LOXHD1: variants seen among roughly 807,000 people sequenced by gnomAD.
LOXHD1 encodes the protein lipoxygenase homology domain-containing protein 1.
A neutral mutation model predicts 248.2 loss-of-function variants in LOXHD1; 205 were observed. The observed-to-expected ratio is 0.83, with a 90% CI of 0.74 to 0.93. LOXHD1 has a LOEUF of 0.93. Ranked by LOEUF, LOXHD1 falls within the 40% of genes least tolerant of loss-of-function variation. The pLI, the probability that LOXHD1 is intolerant of heterozygous loss-of-function variation, is 0.00. For synonymous variants in LOXHD1, 1,113 were observed against 1,162.8 expected, an observed-to-expected ratio of 0.96 and a Z score of 0.87; for missense variants, 2,930 against 2,971.6, an observed-to-expected ratio of 0.99 and a Z score of 0.33.
chr18:46,493,473 T>G (rs958630869), intron 37 of LOXHD1, among the ~76,000 whole-genome samples: 2 of 152,246 alleles, frequency 1.3e-5, no homozygotes, highest in Non-Finnish European at 2.9e-5. Context: ...TCCACCTCTA[T>G]ATTTCAATGC....
intron 5 of LOXHD1, 87 bp downstream of exon 5, chr18:46,618,105 C>G: frequency 1.0e-6 from 1 of 970,510 alleles, no homozygotes; most frequent in Non-Finnish European, 1.6e-6. Context: ...GGGGCTCAAG[C>G]TGCCTTCCTC....
In LOXHD1 at chr18:46,550,489, C is replaced by T. The variant is rs937490289; in HGVS notation, c.3351-3431G>A. On this transcript the variant is annotated intron_variant, in intron 21 of 40. Coordinates refer to ENST00000642948, the MANE Select transcript of LOXHD1 (RefSeq NM_001384474.1). ...TCGGGAGGCTGAGGCAGGAGAATGG[C>T]GTGAACCCAGGAAGCGGAGCTTGCA... 6.1e-5 allele frequency among the ~76,000 whole-genome samples: 9 copies of T among 148,408 alleles called. No individual in the cohort carries two copies. In the South Asian group the frequency reaches 1.5e-3, roughly 25 times the overall value.
intron 21 of LOXHD1, among the ~76,000 whole-genome samples, chr18:46,554,546 G>A (rs1326758066): frequency 6.6e-6 from 1 of 152,136 alleles, no homozygotes; most frequent in Non-Finnish European, 1.5e-5. Context: ...CTCTTGGCTT[G>A]AAGATTGTTA....
In LOXHD1 at chr18:46,541,759, C is replaced by T. The variant is rs1323800663; in HGVS notation, c.3913+17G>A. ...GGGCCCCAGAGAAGGGCTGGCCTTGCCGTGTGTGGTTCCTACATGGTGTGT... is the reference window on the plus strand; with the variant it reads ...GGGCCCCAGAGAAGGGCTGGCCTTGTCGTGTGTGGTTCCTACATGGTGTGT... On this transcript the variant is annotated intron_variant, in intron 25 of 40. Transcript: ENST00000642948. The T allele has an allele frequency of 5.2e-6, 8 of 1,551,494 alleles. No individual in the cohort carries two copies. Among genetic ancestry groups the T allele is most frequent in the South Asian group, 1.2e-5 (1 of 84,046 alleles).
At chr18:46,593,215 T>G (rs2038204596) in intron 10 of LOXHD1, among the ~76,000 whole-genome samples, 1 of 152,186 alleles carries the variant, frequency 6.6e-6, no homozygotes, top group Admixed American at 6.5e-5. Context: ...AGTTCTAAAA[T>G]TCATACTTTT....
At chr18:46,587,495 G>C (rs2038083814) in intron 12 of LOXHD1, among the ~76,000 whole-genome samples, 1 of 152,102 alleles carries the variant, frequency 6.6e-6, no homozygotes, top group Admixed American at 6.5e-5. Context: ...AGTTCTCAAG[G>C]GTCTTGATTC....
intron 28 of LOXHD1, among the ~76,000 whole-genome samples, chr18:46,530,406 G>A (rs1221392497): frequency 6.6e-6 from 1 of 152,194 alleles, no homozygotes; most frequent in Non-Finnish European, 1.5e-5. Flanking sequence ...AGGGCCTTTT[G>A]ACAAAGCCAG....
At position 46,569,632 on chromosome 18, in the gene LOXHD1, C is replaced by CGAAAGTCTGAACAGCCCAAGGCAGA. The variant is rs757379731; in HGVS notation, c.2048-19_2053dup (p.Arg685LeufsTer27). On this transcript the variant is annotated frameshift_variant, in exon 16 of 41. Coordinates refer to ENST00000642948, the MANE Select transcript of LOXHD1 (RefSeq NM_001384474.1). LOFTEE classifies it high-confidence loss of function. ...CCCAGTCTTCAAGCTGATGTGATAG[C>CGAAAGTCTGAACAGCCCAAGGCAGA]GAAAGTCTGAACAGCCCAAGGCAGA... The CGAAAGTCTGAACAGCCCAAGGCAGA allele has an allele frequency of 6.5e-7, 1 of 1,550,240 alleles. No homozygotes were observed. The highest frequency in any genetic ancestry group is 1.2e-5 in the South Asian group (1 of 83,950).
intron 28 of LOXHD1, among the ~76,000 whole-genome samples, chr18:46,530,992 G>T (rs947712697): frequency 6.6e-6 from 1 of 152,044 alleles, no homozygotes; most frequent in East Asian, 1.9e-4. Context: ...CCTAGAGGGC[G>T]TCTCCACGTT....
chr18:46,630,404 G>A (rs2038804853), intron 4 of LOXHD1, among the ~76,000 whole-genome samples: 1 of 152,360 alleles, frequency 6.6e-6, no homozygotes, highest in African/African-American at 2.4e-5. Flanking sequence ...TACTTGGCCA[G>A]AAAGCAGGAA....
chr18:46,618,325 C>T, intron 4 of LOXHD1, 35 bp from the exon 5 acceptor site: 5 of 1,452,530 alleles, frequency 3.4e-6, no homozygotes, highest in Non-Finnish European at 4.7e-6. Context: ...CTTAGCTCAT[C>T]AGGATCCTGA....
At chr18:46,560,677 T>A in intron 18 of LOXHD1, 132 bp from the exon 19 acceptor site, 1 of 822,524 alleles carries the variant, frequency 1.2e-6, no homozygotes, top group Non-Finnish European at 1.9e-6. Flanking sequence ...CTGGGGCCTC[T>A]GTGCTCAGAT....
rs1384247037 is a variant in LOXHD1, at chr18:46,547,070, G to T, written c.3351-12C>A. 1.3e-6 allele frequency: 2 copies of T among 1,551,638 alleles called. No homozygotes were observed. The highest frequency in any genetic ancestry group is 4.9e-5 in the East Asian group (2 of 40,928). ...ATGGAAAGTAGTACCTGTGGGGGTG[G>T]ATAGGGAAAGATTGGAATGTCCTCT... On this transcript the variant is annotated splice_polypyrimidine_tract_variant and intron_variant, in intron 21 of 40. Coordinates refer to ENST00000642948, the MANE Select transcript of LOXHD1 (RefSeq NM_001384474.1).
At chr18:46,620,362 C>T (rs940127514) in intron 4 of LOXHD1, among the ~76,000 whole-genome samples, 12 of 152,054 alleles carry the variant, frequency 7.9e-5, no homozygotes, top group African/African-American at 2.2e-4. Flanking sequence ...GGGTGGTGGC[C>T]GGGGAATGTT....
At chr18:46,595,247 C>A (rs1043811070) in intron 8 of LOXHD1, among the ~76,000 whole-genome samples, 1 of 152,184 alleles carries the variant, frequency 6.6e-6, no homozygotes, top group African/African-American at 2.4e-5. Flanking sequence ...GTAATACTCA[C>A]CTCATACTCA....
At chr18:46,641,852 A>G in intron 3 of LOXHD1, 104 bp downstream of exon 3, 11 of 1,187,620 alleles carry the variant, frequency 9.3e-6, no homozygotes, top group Non-Finnish European at 1.3e-5. Flanking sequence ...GTAGCCCCTC[A>G]AATAACATCT....
Position 46,489,162 on chromosome 18 carries a change from G to T in LOXHD1, c.5879-20C>A. The T allele has an allele frequency of 6.4e-7, 1 of 1,551,524 alleles. No individual in the cohort carries two copies. Among genetic ancestry groups the T allele is most frequent in the South Asian group, 1.2e-5 (1 of 84,030 alleles). ...ATATCCCTGTGGAAAAGACACCATG[G>T]GGGTTGGAAGCTGGATGTGCCTTCC... is the stretch of plus-strand genomic sequence containing the variant. On this transcript the variant is annotated intron_variant, in intron 37 of 40. Transcript: ENST00000642948.
chr18:46,568,777 C>A (rs372040767), intron 16 of LOXHD1, among the ~76,000 whole-genome samples: 18 of 152,292 alleles, frequency 1.2e-4, no homozygotes, highest in African/African-American at 4.3e-4. Flanking sequence ...TCTGCACAAA[C>A]CTAAGTTGGG....
intron 2 of LOXHD1, among the ~76,000 whole-genome samples, chr18:46,642,946 T>C (rs541348327): frequency 6.6e-6 from 1 of 152,274 alleles, no homozygotes; most frequent in Non-Finnish European, 1.5e-5. Context: ...ACACAGCTCA[T>C]GGGAAAGGAA....
Sources: allele counts gnomAD v4.1 joint callset (sites outside exome capture counted in the v4.1 genomes callset), GRCh38; gene constraint gnomAD v4.1.1; transcripts MANE v1.5; gene names NCBI Gene and HGNC (gene_info 2026-07-23, HGNC 2026-07-21).